The following ZNF32 variants were observed in gnomAD, a reference collection of about 807,000 sequenced individuals.
ZNF32 encodes C2H2-546.
A neutral mutation model predicts 24.4 loss-of-function variants in ZNF32; 13 were observed. The observed-to-expected ratio is 0.53, with a 90% CI of 0.35 to 0.85. The LOEUF is 0.85. Among genes scored for constraint, ZNF32 ranks in the 40% least tolerant of loss-of-function variants. The pLI, the probability that ZNF32 is intolerant of heterozygous loss-of-function variation, is 0.01. For synonymous variants in ZNF32, 115 were observed against 117.4 expected (o/e 0.98, Z 0.13); for missense variants, 239 against 325.3 (o/e 0.73, Z 2.04).
chr10:43,644,124 A>G lies in ZNF32; in HGVS notation c.748T>C (p.Cys250Arg). Residue 250 changes from cysteine to arginine, a missense_variant, in exon 3 of 3, where the codon TGT (cysteine) becomes CGT (arginine). Coordinates refer to ENST00000374433, the MANE Select transcript of ZNF32 (RefSeq NM_006973.3). This position sits in a 1 kb window ranked among gnomAD's most constrained non-coding sequence, Gnocchi z 5.3. ...CCTCTCTGGGTGAAGCTTTTTCCAC[A>G]CTGGCCGCACAGATAGGGTGTCTCT... The part of the protein sequence containing the change: ...TGETPYLCGQ[C>R]GKSFTQRGSL... 6.2e-7 allele frequency: 1 copy of G among 1,614,196 alleles called. No individual in the cohort carries two copies. The highest frequency in any genetic ancestry group is 1.1e-5 in the South Asian group (1 of 91,088).
chr10:43,646,436 T>C, intron 1 of ZNF32: 1 of 306,434 alleles, frequency 3.3e-6, no homozygotes, highest in Admixed American at 4.7e-5. Flanking sequence ...TAAACATATA[T>C]CTCTTCCTGC....
At position 43,644,680 on chromosome 10, in the gene ZNF32, T is replaced by G. The variant is rs1839220031; in HGVS notation, c.192A>C (p.Thr64=). The G allele has an allele frequency of 6.2e-7, 1 of 1,614,082 alleles. No homozygotes were observed. Among genetic ancestry groups the G allele is most frequent in the African/African-American group, 1.3e-5 (1 of 74,930 alleles). ...TCACTCCAGGTGAATCTTCCTGTAG[T>G]GTCTTCGAATCTGGGGATTTTTGTT... ...KLEQKSPDSK[T]LQEDSPGVRQ... Residue 64 remains threonine, a synonymous_variant, in exon 3 of 3, where the codon ACA becomes ACC. Transcript: ENST00000374433. The surrounding 1 kb of genome is among the most constrained non-coding windows in gnomAD (Gnocchi z 5.3).
At chr10:43,647,205 T>C (rs1482288724) in intron 1 of ZNF32, 1 of 152,158 alleles carries the variant, frequency 6.6e-6, no homozygotes, top group Non-Finnish European at 1.5e-5. Context: ...TAACTAGGAC[T>C]ACAGGTAAGC....
chr10:43,646,073 C>T lies in ZNF32; in HGVS notation c.61G>A (p.Ala21Thr). ...DCHGRYAQNVAFFNVMTEAHH... is the reference protein window; with the variant it reads ...DCHGRYAQNVTFFNVMTEAHH... ...CAACTGACTCACTCACTGAAGAACG[C>T]TACATTCTGGGCATATCTTCCATGA... The change falls in exon 2 of 3, where the codon GCG (alanine) becomes ACG (threonine). Residue 21 changes from alanine to threonine, a missense_variant. Physicochemically the swap from Ala to Thr is moderately conservative, Grantham distance 58. Coordinates refer to ENST00000374433, the MANE Select transcript of ZNF32 (RefSeq NM_006973.3). The T allele has an allele frequency of 6.2e-7, 1 of 1,614,146 alleles. No individual in the cohort carries two copies. The highest frequency in any genetic ancestry group is 8.5e-7 in the Non-Finnish European group (1 of 1,179,988).
Position 43,644,688 on chromosome 10 carries a change from A to C in ZNF32, c.184T>G (p.Ser62Ala). 1 of 1,614,144 alleles carries C rather than the reference A, an allele frequency of 6.2e-7. No individual in the cohort carries two copies. The highest frequency in any genetic ancestry group is 8.5e-7 in the Non-Finnish European group (1 of 1,180,016). Residue 62 changes from serine to alanine, a missense_variant, in exon 3 of 3, where the codon TCG becomes GCG. Ser to Ala is a moderately conservative substitution (Grantham distance 99). Transcript: ENST00000374433. The surrounding 1 kb of genome is among the most constrained non-coding windows in gnomAD (Gnocchi z 5.3). ...GGTGAATCTTCCTGTAGTGTCTTCG[A>C]ATCTGGGGATTTTTGTTCCAGCTTC... is the stretch of plus-strand genomic sequence containing the variant. ...REKLEQKSPD[S>A]KTLQEDSPGV...
chr10:43,644,465 T>C lies in ZNF32; in HGVS notation c.407A>G (p.Lys136Arg), dbSNP rs778526378. ...IHTGEKPYQC[K>R]ECGKSFSQRG... ...TTGACTGAAGCTTTTCCCACACTCC[T>C]TGCACTGATAAGGCTTCTCTCCCGT... Residue 136 changes from lysine (K) to arginine (R), a missense_variant, in exon 3 of 3, where the codon AAG (lysine) becomes AGG (arginine). By Grantham distance (26) the Lys-to-Arg change is conservative (BLOSUM62 2). Transcript: ENST00000374433. This position sits in a 1 kb window ranked among gnomAD's most constrained non-coding sequence, Gnocchi z 5.3. The C allele has an allele frequency of 1.2e-6, 2 of 1,614,216 alleles. No individual in the cohort carries two copies. Among genetic ancestry groups the C allele is most frequent in the South Asian group, 2.2e-5 (2 of 91,086 alleles).
At chr10:43,648,250 C>T (rs536534289) in intron 1 of ZNF32, among the ~76,000 whole-genome samples, 1 of 152,304 alleles carries the variant, frequency 6.6e-6, no homozygotes, top group Admixed American at 6.5e-5. Context: ...ATCTAAAATC[C>T]GGCGTCCTCT....
In ZNF32 at chr10:43,646,085, C is replaced by T. The variant is rs1338634684; in HGVS notation, c.49G>A (p.Ala17Thr). The T allele has an allele frequency of 4.3e-6, 7 of 1,614,028 alleles. No individual in the cohort carries two copies. The highest frequency in any genetic ancestry group is 5.9e-6 in the Non-Finnish European group (7 of 1,180,024). ...ATLLDCHGRY[A>T]QNVAFFNVMT... is the part of the protein sequence containing the mutation. ...TCACTGAAGAACGCTACATTCTGGG[C>T]ATATCTTCCATGACAGTCCAGCAGG... Residue 17 changes from alanine to threonine, a missense_variant, in exon 2 of 3, where the codon GCC becomes ACC. Ala to Thr is a moderately conservative substitution (Grantham distance 58). Transcript: ENST00000374433.
At chr10:43,648,479 C>T (rs1189849621) in intron 1 of ZNF32, 2 of 152,114 alleles carry the variant, frequency 1.3e-5, no homozygotes, top group African/African-American at 4.8e-5. Flanking sequence ...GCCGCGGCCT[C>T]CCCCTCCCAC....
At chr10:43,647,415 A>G (rs1377829934) in intron 1 of ZNF32, among the ~76,000 whole-genome samples, 4 of 152,088 alleles carry the variant, frequency 2.6e-5, no homozygotes, top group Admixed American at 2.6e-4. Flanking sequence ...TTCTTACTTC[A>G]GGATCCTAAT....
intron 1 of ZNF32, chr10:43,647,969 C>T (rs1288297936): frequency 1.3e-5 from 2 of 152,110 alleles, no homozygotes; most frequent in Non-Finnish European, 2.9e-5. Context: ...GCAGTTTCCC[C>T]AAGATTTTGT....
chr10:43,646,186 G>C lies in ZNF32; in HGVS notation c.-53C>G. On this transcript the variant is annotated 5_prime_UTR_variant, in exon 2 of 3. Coordinates refer to ENST00000374433, the MANE Select transcript of ZNF32 (RefSeq NM_006973.3). ...CCACCTCTTCATATGATTCTTCCAT[G>C]GGCTGTTCCTGAGCACCTGAGGGAG... 1 of 1,602,548 alleles carries C rather than the reference G, an allele frequency of 6.2e-7. No homozygotes were observed. Among genetic ancestry groups the C allele is most frequent in the Non-Finnish European group, 8.5e-7 (1 of 1,171,990 alleles).
chr10:43,646,504 T>C (rs3814562), intron 1 of ZNF32, among the ~76,000 whole-genome samples: 3,638 of 152,292 alleles, frequency 0.024, 116 homozygotes, highest in East Asian at 0.15. Context: ...GTAATTGGGA[T>C]CTTCCATTTT....
At chr10:43,647,755 A>G (rs1237071765) in intron 1 of ZNF32, 1 of 152,230 alleles carries the variant, frequency 6.6e-6, no homozygotes, top group East Asian at 1.9e-4. Flanking sequence ...CACACACATT[A>G]AAAGTCCCTG....
intron 1 of ZNF32, among the ~76,000 whole-genome samples, chr10:43,646,483 G>C (rs1839294927): frequency 6.6e-6 from 1 of 152,150 alleles, no homozygotes; most frequent in South Asian, 2.1e-4. Context: ...TTTACACTTT[G>C]GTCTTGGCAT....
chr10:43,645,299 C>A (rs1588853646), intron 2 of ZNF32, among the ~76,000 whole-genome samples: 2 of 152,298 alleles, frequency 1.3e-5, no homozygotes, highest in East Asian at 3.9e-4. Flanking sequence ...AGAGACCAAT[C>A]CAAGTGAGGG....
In ZNF32 at chr10:43,644,187, T is replaced by C. The variant is rs1361807867; in HGVS notation, c.685A>G (p.Arg229Gly). ...TTGCCATGCAGAATACAATTCCCCC[T>C]GGTGTGGAAACTCTTCCTGCACTGG... ...CTQCRKSFHT[R>G]GNCILHGKIH... is the part of the protein sequence containing the mutation. Residue 229 changes from arginine to glycine, a missense_variant, in exon 3 of 3, where the codon AGG (arginine) becomes GGG (glycine). By Grantham distance (125) the Arg-to-Gly change is moderately radical. Transcript: ENST00000374433. This position sits in a 1 kb window ranked among gnomAD's most constrained non-coding sequence, Gnocchi z 5.3. The C allele has an allele frequency of 1.9e-6, 3 of 1,614,108 alleles. No individual in the cohort carries two copies. The highest frequency in any genetic ancestry group is 2.2e-5 in the East Asian group (1 of 44,888).
chr10:43,646,361 AAGG>A (rs1405946740), intron 1 of ZNF32, 159 bp from the exon 2 acceptor site: 6 of 515,960 alleles, frequency 1.2e-5, no homozygotes, highest in Non-Finnish European at 2.1e-5. Context: ...AATGGGCCCA[AAGG>A]TACCAGGACC....
In ZNF32 at chr10:43,644,749, G is replaced by A. The variant is rs767815951; in HGVS notation, c.123C>T (p.Ser41=). The A allele has an allele frequency of 6.2e-7, 1 of 1,613,460 alleles. No homozygotes were observed. The highest frequency in any genetic ancestry group is 1.1e-5 in the South Asian group (1 of 90,944). The change falls in exon 3 of 3, where the codon TCC becomes TCT. Residue 41 remains serine, a synonymous_variant. Coordinates refer to ENST00000374433, the MANE Select transcript of ZNF32 (RefSeq NM_006973.3). This position sits in a 1 kb window ranked among gnomAD's most constrained non-coding sequence, Gnocchi z 5.3. The part of the protein sequence containing the change: ...HKYDHSEATG[S]SSWDIQNSFR... ...AAGAATTTTGGATATCCCAGCTTGAGGATCCTGTAGCCTCAGAGTGGTCAT... is the reference window on the plus strand; with the variant it reads ...AAGAATTTTGGATATCCCAGCTTGAAGATCCTGTAGCCTCAGAGTGGTCAT...
Sources: allele counts gnomAD v4.1 joint callset (sites outside exome capture counted in the v4.1 genomes callset), GRCh38; gene constraint gnomAD v4.1.1; non-coding constraint Gnocchi (gnomAD v3.1); transcripts MANE v1.5; gene names NCBI Gene and HGNC (gene_info 2026-07-23, HGNC 2026-07-21).